Variants in ABCA1 observed in about 807,000 individuals in gnomAD.
ABCA1 encodes phospholipid-transporting ATPase ABCA1.
ABCA1 carries 133 observed loss-of-function variants against 262.5 expected under a neutral mutation model. The observed-to-expected ratio is 0.51, with a 90% CI of 0.44 to 0.59. The LOEUF (loss-of-function observed/expected upper bound fraction) is 0.59. Among genes scored for constraint, ABCA1 ranks in the 20% least tolerant of loss-of-function variants. ABCA1 has a pLI of 0.00. For synonymous variants in ABCA1, 1,022 were observed against 1,043.5 expected (o/e 0.98, Z 0.40); for missense variants, 2,452 against 2,777.5 (o/e 0.88, Z 2.63).
chr9:104,789,949 A>T (rs1305221008), intron 44 of ABCA1, among the ~76,000 whole-genome samples: 1 of 152,150 alleles, frequency 6.6e-6, no homozygotes, highest in Non-Finnish European at 1.5e-5. Context: ...CAAAAAAATT[A>T]GGCAGGCATT....
In ABCA1 at chr9:104,818,843, C is replaced by T. The variant is rs1480084147; in HGVS notation, c.3282G>A (p.Ala1094=). 8.7e-6 allele frequency: 14 copies of T among 1,613,832 alleles called. No individual in the cohort carries two copies. The highest frequency in any genetic ancestry group is 6.6e-5 in the South Asian group (6 of 91,066). ...TGGCAATCCTGTCCCCCAGGACGTC[C>T]GCTTCATCCATGTGGTGTGTAGAGA... ...IILSTHHMDE[A]DVLGDRIAII... The change falls in exon 23 of 50, where the codon GCG becomes GCA. Residue 1094 remains alanine (A), a synonymous_variant. Transcript: ENST00000374736.
intron 11 of ABCA1, 149 bp downstream of exon 11, chr9:104,836,831 G>A (rs1833856914): frequency 1.5e-6 from 1 of 676,728 alleles, no homozygotes; most frequent in African/African-American, 1.8e-5. Flanking sequence ...CTGGAGAGGT[G>A]GTGCCCTGTG....
At chr9:104,858,051 G>A (rs2253174) in intron 7 of ABCA1, among the ~76,000 whole-genome samples, 62,600 of 152,054 alleles carry the variant, frequency 0.41, 15,629 homozygotes, top group African/African-American at 0.71. Context: ...TTATTACTAA[G>A]TAAGCTAAAT....
chr9:104,913,037 T>C (rs527597682), intron 1 of ABCA1, among the ~76,000 whole-genome samples: 1 of 152,230 alleles, frequency 6.6e-6, no homozygotes, highest in Non-Finnish European at 1.5e-5. Context: ...AATGGTTTAG[T>C]GACCATATCA....
chr9:104,916,820 C>A (rs1411217484), intron 1 of ABCA1, among the ~76,000 whole-genome samples: 2 of 152,188 alleles, frequency 1.3e-5, no homozygotes, highest in Non-Finnish European at 1.5e-5. Flanking sequence ...GCTGTGATTA[C>A]AGGTGTGAGC....
chr9:104,858,404 T>G (rs1836034655), intron 7 of ABCA1, 118 bp downstream of exon 7: 5 of 1,141,584 alleles, frequency 4.4e-6, no homozygotes, highest in Non-Finnish European at 6.6e-6. Context: ...CTAAATTATA[T>G]CACAAACTCC....
chr9:104,876,802 G>C (rs573478850), intron 5 of ABCA1, among the ~76,000 whole-genome samples: 2 of 152,270 alleles, frequency 1.3e-5, no homozygotes, highest in East Asian at 3.9e-4. Flanking sequence ...GGCTTGGAGT[G>C]GGGAGTGAGG....
chr9:104,788,383 G>A lies in ABCA1; in HGVS notation c.6069+43C>T, dbSNP rs1016353613. On this transcript the variant is annotated intron_variant, in intron 45 of 49. Coordinates refer to ENST00000374736, the MANE Select transcript of ABCA1 (RefSeq NM_005502.4). Reference sequence around the variant, plus strand: ...AAAAGCCATAAGGTATATATTGTCAGGATGCCAAAGGAGACAGGCTGGCTT... The same window carrying A: ...AAAAGCCATAAGGTATATATTGTCAAGATGCCAAAGGAGACAGGCTGGCTT... 3.1e-6 allele frequency: 5 copies of A among 1,613,784 alleles called. No individual in the cohort carries two copies. The Admixed American group carries it at 5.0e-5, about 16-fold the overall frequency.
intron 22 of ABCA1, among the ~76,000 whole-genome samples, 175 bp from the exon 23 acceptor site, chr9:104,819,058 T>C (rs1832034774): frequency 6.6e-6 from 1 of 152,218 alleles, no homozygotes; most frequent in African/African-American, 2.4e-5. Context: ...TATATATAGG[T>C]ACCACATCCT....
At chr9:104,892,003 T>G (rs1439566170) in intron 2 of ABCA1, among the ~76,000 whole-genome samples, 1 of 150,322 alleles carries the variant, frequency 6.7e-6, no homozygotes, top group Non-Finnish European at 1.5e-5. Context: ...AAAAGTGATG[T>G]TTTTAATACT....
At chr9:104,920,787 G>A in intron 1 of ABCA1, among the ~76,000 whole-genome samples, 1 of 152,218 alleles carries the variant, frequency 6.6e-6, no homozygotes. Context: ...TGGAATTATA[G>A]GCAGAAGCCA....
At chr9:104,889,053 G>A (rs1839469377) in intron 3 of ABCA1, 49 bp downstream of exon 3, 2 of 1,539,456 alleles carry the variant, frequency 1.3e-6, no homozygotes, top group South Asian at 1.1e-5. Context: ...TAATTGCCTG[G>A]ATTTTCCCTG....
At position 104,811,828 on chromosome 9, in the gene ABCA1, T is replaced by C. The variant is rs182165766; in HGVS notation, c.4050+746A>G. 1.3e-4 allele frequency among the ~76,000 whole-genome samples: 20 copies of C among 152,336 alleles called. No individual in the cohort carries two copies. The East Asian group carries it at 3.5e-3, about 26-fold the overall frequency. On this transcript the variant is annotated intron_variant, in intron 28 of 49. Transcript: ENST00000374736. Reference sequence around the variant, plus strand: ...AAAGGTAACTGAGGATCAGAGAGACTAAGCAGCTTGCCCAAGGTCATATAG... The same window carrying C: ...AAAGGTAACTGAGGATCAGAGAGACCAAGCAGCTTGCCCAAGGTCATATAG...
At chr9:104,867,099 A>G (rs1244669953) in intron 5 of ABCA1, among the ~76,000 whole-genome samples, 1 of 152,226 alleles carries the variant, frequency 6.6e-6, no homozygotes, top group Non-Finnish European at 1.5e-5. Context: ...GTTAGGGAAA[A>G]GATGAAGCAG....
intron 3 of ABCA1, among the ~76,000 whole-genome samples, chr9:104,886,952 G>A (rs1327976081): frequency 6.6e-6 from 1 of 152,168 alleles, no homozygotes; most frequent in Non-Finnish European, 1.5e-5. Flanking sequence ...GTCCCTGGAG[G>A]GTGATGAGAA....
chr9:104,862,671 G>C (rs1398047568), intron 5 of ABCA1, among the ~76,000 whole-genome samples: 508 of 2,708 alleles, frequency 0.19, 126 homozygotes, highest in Middle Eastern at 0.5. Flanking sequence ...GGCCGGGCCG[G>C]GCCGGGCCGG....
intron 5 of ABCA1, among the ~76,000 whole-genome samples, chr9:104,864,952 T>C (rs530506671): frequency 2.0e-5 from 3 of 152,312 alleles, no homozygotes; most frequent in East Asian, 1.9e-4. Flanking sequence ...CAGAGACTGA[T>C]TAAACAGTCA....
intron 13 of ABCA1, 117 bp downstream of exon 13, chr9:104,831,505 T>C: frequency 1.2e-6 from 1 of 868,444 alleles, no homozygotes; most frequent in Non-Finnish European, 1.7e-6. Flanking sequence ...TTGAGTTTTT[T>C]TGTTGTTGTT....
At chr9:104,848,311 G>T (rs767325015) in intron 7 of ABCA1, among the ~76,000 whole-genome samples, 1 of 152,104 alleles carries the variant, frequency 6.6e-6, no homozygotes, top group Non-Finnish European at 1.5e-5. Context: ...CACCTGTGGT[G>T]CTTGTTAAAT....
Sources: allele counts gnomAD v4.1 joint callset (sites outside exome capture counted in the v4.1 genomes callset), GRCh38; gene constraint gnomAD v4.1.1; transcripts MANE v1.5; gene names NCBI Gene and HGNC (gene_info 2026-07-23, HGNC 2026-07-21).